Variants in SYNPO observed in about 807,000 individuals in gnomAD.
The protein encoded by SYNPO is synaptopodin.
SYNPO carries 19 observed loss-of-function variants against 49.5 expected under a neutral mutation model. The observed-to-expected ratio is 0.38, with a 90% CI of 0.27 to 0.56. SYNPO has a LOEUF of 0.56. Among genes scored for constraint, SYNPO ranks in the 20% least tolerant of loss-of-function variants. SYNPO has a pLI of 0.68. For missense variants in SYNPO, 1,131 were observed against 1,248.3 expected (o/e 0.91, Z 1.42); for synonymous variants, 536 against 548.0 (o/e 0.98, Z 0.31).
At chr5:150,617,426 G>A (rs1757011895) in intron 1 of SYNPO, among the ~76,000 whole-genome samples, 1 of 152,150 alleles carries the variant, frequency 6.6e-6, no homozygotes, top group Admixed American at 6.5e-5. Flanking sequence ...CTCCCAAGTA[G>A]CTGGGATTAC....
At position 150,648,580 on chromosome 5, in the gene SYNPO, C is replaced by T; in HGVS notation, c.305C>T (p.Ala102Val). ...ACCGATGTCAATCAGAACCCACCGG[C>T]AACTGTTGTCCCACAGAGCCTGCCA... is the stretch of plus-strand genomic sequence containing the variant. ...PATDVNQNPP[A>V]TVVPQSLPLS... The change falls in exon 2 of 3, where the codon GCA becomes GTA. Residue 102 changes from alanine (A) to valine (V), a missense_variant. Transcript: ENST00000307662. The surrounding 1 kb of genome is among the most constrained non-coding windows in gnomAD (Gnocchi z 5.0). 6.2e-7 allele frequency: 1 copy of T among 1,614,218 alleles called. No individual in the cohort carries two copies. Among genetic ancestry groups the T allele is most frequent in the African/African-American group, 1.3e-5 (1 of 75,052 alleles).
intron 1 of SYNPO, among the ~76,000 whole-genome samples, chr5:150,643,261 C>T (rs1229087008): frequency 2.6e-5 from 4 of 152,166 alleles, no homozygotes; most frequent in Admixed American, 1.3e-4. Flanking sequence ...TCGTGGGCAG[C>T]TCACTTTACC....
intron 2 of SYNPO, among the ~76,000 whole-genome samples, chr5:150,630,441 A>G (rs1757500031): frequency 6.6e-6 from 1 of 152,184 alleles, no homozygotes; most frequent in Non-Finnish European, 1.5e-5. Context: ...GGACCCTCCC[A>G]TGGATCCCTA....
intron 1 of SYNPO, among the ~76,000 whole-genome samples, chr5:150,606,788 G>A (rs539497003): frequency 6.6e-6 from 1 of 152,306 alleles, no homozygotes; most frequent in East Asian, 1.9e-4. Flanking sequence ...GGCCAACCGA[G>A]CAAATCTACA....
chr5:150,628,262 C>T (rs901595742), intron 2 of SYNPO, among the ~76,000 whole-genome samples: 2 of 152,168 alleles, frequency 1.3e-5, no homozygotes, highest in Admixed American at 6.5e-5. Flanking sequence ...AGCTTTTCCA[C>T]TCGGTGAGGC....
At chr5:150,630,261 C>T (rs1421271378) in intron 2 of SYNPO, among the ~76,000 whole-genome samples, 1 of 152,168 alleles carries the variant, frequency 6.6e-6, no homozygotes, top group Admixed American at 6.5e-5. Flanking sequence ...TAAACTCCCA[C>T]GCAGTCTGGC....
chr5:150,621,912 C>A (rs1757194972), intron 2 of SYNPO, among the ~76,000 whole-genome samples: 1 of 152,026 alleles, frequency 6.6e-6, no homozygotes, highest in African/African-American at 2.4e-5. Context: ...ACACTAGGGC[C>A]CCCAGCTCAC....
the SYNPO span, among the ~76,000 whole-genome samples, chr5:150,589,063 AT>A: frequency 4.8e-4 from 69 of 145,242 alleles, no homozygotes; most frequent in Middle Eastern, 3.4e-3. Flanking sequence ...TGCTTTATAG[AT>A]TTTTTTTTTT....
intron 1 of SYNPO, 60 bp downstream of exon 1, chr5:150,640,914 G>A (rs1215159011): frequency 5.8e-6 from 5 of 861,272 alleles, no homozygotes; most frequent in Non-Finnish European, 5.6e-6. Context: ...CTTAGGGCAT[G>A]TGGCATCCCC....
chr5:150,597,143 GTCTCCATTTAACGCCTCTTAC>G (rs1756440040), upstream of SYNPO, among the ~76,000 whole-genome samples: 1 of 152,222 alleles, frequency 6.6e-6, no homozygotes, highest in South Asian at 2.1e-4. Flanking sequence ...GTTTCTTCAA[GTCTCCATTTAACGCCTCTTAC>G]TCTGAGCCCA....
At chr5:150,604,864 C>T (rs762472061) in intron 1 of SYNPO, among the ~76,000 whole-genome samples, 2 of 152,122 alleles carry the variant, frequency 1.3e-5, no homozygotes, top group Admixed American at 1.3e-4. Flanking sequence ...GGGGAGAATG[C>T]GGAAGCAAAT....
intron 2 of SYNPO, among the ~76,000 whole-genome samples, chr5:150,634,183 T>A (rs1410408629): frequency 6.6e-6 from 1 of 152,158 alleles, no homozygotes; most frequent in Admixed American, 6.5e-5. Flanking sequence ...GTATATTCTG[T>A]GGTTCCTCCG....
upstream of SYNPO, among the ~76,000 whole-genome samples, chr5:150,598,662 C>T (rs1455177716): frequency 6.6e-6 from 1 of 152,234 alleles, no homozygotes; most frequent in Non-Finnish European, 1.5e-5. Flanking sequence ...GGGAAACTTG[C>T]TATTGCAGAG....
exon 2 of SYNPO, chr5:150,618,486 G>T (rs564315554): frequency 7.7e-6 from 12 of 1,551,474 alleles, no homozygotes; most frequent in Non-Finnish European, 1.0e-5. Flanking sequence ...GCCGAGGAGA[G>T]CAGCGGTGAG....
chr5:150,603,376 G>T (rs1457114011), intron 1 of SYNPO, among the ~76,000 whole-genome samples: 3 of 152,214 alleles, frequency 2.0e-5, no homozygotes, highest in Non-Finnish European at 4.4e-5. Flanking sequence ...TTCTGGGGGG[G>T]CCCCTTGGCA....
chr5:150,593,365 C>T, the SYNPO span, among the ~76,000 whole-genome samples: 4 of 152,228 alleles, frequency 2.6e-5, no homozygotes, highest in African/African-American at 7.2e-5. Flanking sequence ...GTTCTGTTCC[C>T]TACGCAGTCC....
chr5:150,648,547 C>A lies in SYNPO; in HGVS notation c.272C>A (p.Pro91Gln). 6.2e-7 allele frequency: 1 copy of A among 1,614,164 alleles called. No homozygotes were observed. The highest frequency in any genetic ancestry group is 8.5e-7 in the Non-Finnish European group (1 of 1,180,034). The change falls in exon 2 of 3, where the codon CCG (proline) becomes CAG (glutamine). Residue 91 changes from proline (P) to glutamine (Q), a missense_variant. Around this residue, in one of 4 missense-constraint regions of SYNPO, gnomAD observed 602 missense variants for 720.7 expected, o/e 0.84. Transcript: ENST00000307662. The surrounding 1 kb of genome is among the most constrained non-coding windows in gnomAD (Gnocchi z 5.0). ...CCAACTTCTAACAGCAGCCACAATC[C>A]GCCAGCCACCGATGTCAATCAGAAC... ...TTPTSNSSHN[P>Q]PATDVNQNPP...
At chr5:150,650,468 C>T (rs1450058402) in intron 2 of SYNPO, 165 bp downstream of exon 2, 1 of 1,515,478 alleles carries the variant, frequency 6.6e-7, no homozygotes, top group Admixed American at 2.1e-5. Context: ...GATGCGGCCA[C>T]CAGCTGGCTT....
upstream of SYNPO, among the ~76,000 whole-genome samples, chr5:150,597,570 G>A (rs1334956157): frequency 6.6e-6 from 1 of 152,094 alleles, no homozygotes; most frequent in Non-Finnish European, 1.5e-5. Context: ...CCAACCTCAG[G>A]TGATCCACCC....
Sources: gnomAD v4.1 joint callset for allele counts (sites outside exome capture counted in the v4.1 genomes callset) on GRCh38, gnomAD v4.1.1 for gene constraint, gnomAD v4.1.1 regional missense constraint, Gnocchi (gnomAD v3.1) non-coding constraint, MANE v1.5 for transcripts, NCBI Gene and HGNC (gene_info 2026-07-23, HGNC 2026-07-21) for gene names.